The following ZNF624 variants were observed in gnomAD, a reference collection of about 807,000 sequenced individuals.
The protein encoded by ZNF624 is zinc finger protein 624.
Under a neutral mutation model 74.7 loss-of-function variants are expected in ZNF624, and 43 were observed. The observed-to-expected ratio is 0.58, with a 90% confidence interval of 0.45 to 0.74. The LOEUF (loss-of-function observed/expected upper bound fraction) is 0.74. Among genes scored for constraint, ZNF624 ranks in the 30% least tolerant of loss-of-function variants. The probability of loss-of-function intolerance (pLI) is 0.00; values close to 1 mark genes in which losing one functional copy is unlikely to be tolerated. For synonymous variants in ZNF624, 331 were observed against 341.3 expected, an observed-to-expected ratio of 0.97 and a Z score of 0.33; for missense variants, 820 against 1,030.0, an observed-to-expected ratio of 0.80 and a Z score of 2.79.
intron 2 of ZNF624, among the ~76,000 whole-genome samples, chr17:16,649,360 A>G (rs1909665678): frequency 6.6e-6 from 1 of 152,212 alleles, no homozygotes; most frequent in South Asian, 2.1e-4. Flanking sequence ...CTGTCCCACA[A>G]ATAACTAAAA....
At chr17:16,634,593 G>A (rs768340449) in intron 4 of ZNF624, 37 bp downstream of exon 4, 10 of 1,592,850 alleles carry the variant, frequency 6.3e-6, no homozygotes, top group Admixed American at 3.6e-5. Flanking sequence ...TGGTCAAATG[G>A]GCAGATCAAT....
intron 5 of ZNF624, chr17:16,624,853 C>CAAAAAAAAAAAAAAAAAAAAAAAAA (rs59170659): frequency 9.1e-5 from 4 of 43,954 alleles, no homozygotes; most frequent in Admixed American, 3.3e-4. Context: ...CCTGTCTCTA[C>CAAAAAAAAAAAAAAAAAAAAAAAAA]AAAAAAAAAA....
chr17:16,646,106 TA>T (rs1239881764), intron 3 of ZNF624, among the ~76,000 whole-genome samples: 2 of 152,084 alleles, frequency 1.3e-5, no homozygotes, highest in African/African-American at 2.4e-5. Context: ...GTATGTATAA[TA>T]AAAAGGATGC....
Position 16,623,953 on chromosome 17 carries a change from T to G in ZNF624, c.933A>C (p.Lys311Asn). Residue 311 changes from lysine (K) to asparagine (N), a missense_variant, in exon 6 of 6, where the codon AAA (lysine) becomes AAC (asparagine). By Grantham distance (94) the Lys-to-Asn change is moderately conservative. Coordinates refer to ENST00000311331, the MANE Select transcript of ZNF624 (RefSeq NM_020787.4). The surrounding 1 kb of genome is among the most constrained non-coding windows in gnomAD (Gnocchi z 5.3). ...EKPYECNECG[K>N]TFSQPSYLSQ... ...TGAGATATGAAGGCTGGCTGAATGTTTTCCCACATTCATTACATTCATAAG... is the reference window on the plus strand; with the variant it reads ...TGAGATATGAAGGCTGGCTGAATGTGTTCCCACATTCATTACATTCATAAG... 1.9e-6 allele frequency: 3 copies of G among 1,614,000 alleles called. No individual in the cohort carries two copies. The highest frequency in any genetic ancestry group is 2.5e-6 in the Non-Finnish European group (3 of 1,179,996).
chr17:16,651,423 C>G (rs972251681), intron 1 of ZNF624, among the ~76,000 whole-genome samples: 2 of 141,950 alleles, frequency 1.4e-5, no homozygotes, highest in African/African-American at 5.5e-5. Flanking sequence ...CAGCGAGACT[C>G]CATCTCAAAA....
intron 3 of ZNF624, among the ~76,000 whole-genome samples, chr17:16,638,921 C>G (rs1176731819): frequency 6.6e-6 from 1 of 152,162 alleles, no homozygotes; most frequent in Non-Finnish European, 1.5e-5. Flanking sequence ...CTCCCCACTT[C>G]TGTGAGTATA....
rs1312980576 is a variant in ZNF624 at position 16,622,138 on chromosome 17, A to T, written c.*150T>A. 5.7e-6 allele frequency: 3 copies of T among 529,134 alleles called. No individual in the cohort carries two copies. Among genetic ancestry groups the T allele is most frequent in the Non-Finnish European group, 9.2e-6 (3 of 325,546 alleles). 32.8% of individuals were successfully genotyped at this position (529,134 alleles called of 1,614,324 possible). A position where few individuals can be genotyped will look rare whatever the true frequency, so the allele number is the denominator to read the frequency against. Reference sequence around the variant, plus strand: ...GTTTCCTTATAACTTCTAAGATTTAATATTATTAAATGATTTCCCACATAA... The same window carrying T: ...GTTTCCTTATAACTTCTAAGATTTATTATTATTAAATGATTTCCCACATAA... On this transcript the variant is annotated 3_prime_UTR_variant, in exon 6 of 6. Transcript: ENST00000311331.
chr17:16,630,987 T>C (rs961052421), intron 5 of ZNF624, among the ~76,000 whole-genome samples: 4 of 18,302 alleles, frequency 2.2e-4, no homozygotes, highest in Non-Finnish European at 3.5e-4. Flanking sequence ...TTGTACTCAA[T>C]ACTCAATACC....
Position 16,623,213 on chromosome 17 carries a change from C to G in ZNF624, c.1673G>C (p.Cys558Ser). 6.2e-7 allele frequency: 1 copy of G among 1,613,862 alleles called. No homozygotes were observed. The highest frequency in any genetic ancestry group is 1.1e-5 in the South Asian group (1 of 91,060). ...RMHTGEKPYK[C>S]TECGKAFMRS... ...CATGAAGGCCTTTCCACATTCAGTA[C>G]ATTTATAAGGTTTCTCTCCTGTATG... Residue 558 changes from cysteine to serine, a missense_variant, in exon 6 of 6, where the codon TGT becomes TCT. Cys to Ser is a moderately radical substitution (Grantham distance 112). Coordinates refer to ENST00000311331, the MANE Select transcript of ZNF624 (RefSeq NM_020787.4). The surrounding 1 kb of genome is among the most constrained non-coding windows in gnomAD (Gnocchi z 5.3).
At chr17:16,627,099 T>C (rs1381869892) in intron 5 of ZNF624, among the ~76,000 whole-genome samples, 1 of 152,022 alleles carries the variant, frequency 6.6e-6, no homozygotes, top group Non-Finnish European at 1.5e-5. Flanking sequence ...ATATAAAACA[T>C]ATCTATAGCA....
intron 5 of ZNF624, among the ~76,000 whole-genome samples, chr17:16,627,223 T>A (rs62073660): frequency 0.23 from 35,425 of 152,038 alleles, 4,612 homozygotes; most frequent in East Asian, 0.35. Context: ...TTAGAGTACA[T>A]AAAGGTTGTT....
chr17:16,647,372 T>A lies in ZNF624; in HGVS notation c.110A>T (p.Asp37Val), dbSNP rs1909618073. 1 of 1,614,194 alleles carries A rather than the reference T, an allele frequency of 6.2e-7. No homozygotes were observed. Among genetic ancestry groups the A allele is most frequent in the Non-Finnish European group, 8.5e-7 (1 of 1,180,016 alleles). ...TTCTGCCTGAAGGTGAAGATCTTCA[T>A]CTGGCTGGGTAACTTCAGGGCTCTG... ...GRLSPEVTQP[D>V]EDLHLQAEET... Residue 37 changes from aspartate to valine, a missense_variant, in exon 3 of 6, where the codon GAT (aspartate) becomes GTT (valine). Physicochemically the swap from Asp to Val is radical, Grantham distance 152. Coordinates refer to ENST00000311331, the MANE Select transcript of ZNF624 (RefSeq NM_020787.4).
In ZNF624 at chr17:16,624,334, A is replaced by G; in HGVS notation, c.552T>C (p.Asn184=). The G allele has an allele frequency of 6.2e-7, 1 of 1,613,374 alleles. No individual in the cohort carries two copies. The highest frequency in any genetic ancestry group is 8.5e-7 in the Non-Finnish European group (1 of 1,179,834). ...RILRLQNNQE[N]HLSQRIIPLK... ...GTGGAATTATTCTTTGACTCAAATGATTCTCCTGATTATTTTGTAATCTCA... is the reference window on the plus strand; with the variant it reads ...GTGGAATTATTCTTTGACTCAAATGGTTCTCCTGATTATTTTGTAATCTCA... Residue 184 remains asparagine, a synonymous_variant, in exon 6 of 6, where the codon AAT becomes AAC. Coordinates refer to ENST00000311331, the MANE Select transcript of ZNF624 (RefSeq NM_020787.4).
chr17:16,628,196 G>A (rs1415656388), intron 5 of ZNF624, among the ~76,000 whole-genome samples: 1 of 152,126 alleles, frequency 6.6e-6, no homozygotes, highest in Non-Finnish European at 1.5e-5. Context: ...TTGGGAGGTG[G>A]AGGTTGCAGT....
intron 1 of ZNF624, among the ~76,000 whole-genome samples, chr17:16,650,700 G>A (rs951560933): frequency 6.6e-6 from 1 of 152,084 alleles, no homozygotes. Flanking sequence ...TTCTAGGATG[G>A]TAATACTAGC....
At chr17:16,617,991 A>G, downstream of ZNF624, 1 of 649,896 alleles carries the variant, frequency 1.5e-6, no homozygotes, top group Non-Finnish European at 2.7e-6. Flanking sequence ...GCCTCACACC[A>G]TAGTGGCGGC....
intron 3 of ZNF624, among the ~76,000 whole-genome samples, chr17:16,638,076 A>G (rs1909376905): frequency 6.6e-6 from 1 of 152,200 alleles, no homozygotes; most frequent in Non-Finnish European, 1.5e-5. Context: ...CACTTCTCAA[A>G]AGAAGACATT....
chr17:16,643,609 A>ATATATTTAATATATTCTCTGTGAATAT (rs1909517679), intron 3 of ZNF624, among the ~76,000 whole-genome samples: 1 of 152,178 alleles, frequency 6.6e-6, no homozygotes, highest in Admixed American at 6.5e-5. Context: ...GATGGTTACA[A>ATATATTTAATATATTCTCTGTGAATAT]ACTCTGTGAA....
downstream of ZNF624, chr17:16,617,080 T>A (rs1447514495): frequency 1.2e-5 from 19 of 1,612,246 alleles, no homozygotes; most frequent in Non-Finnish European, 1.5e-5. Flanking sequence ...TTTCTCATAC[T>A]CATCCTTAGA....
Sources: allele counts gnomAD v4.1 joint callset (sites outside exome capture counted in the v4.1 genomes callset), GRCh38; gene constraint gnomAD v4.1.1; non-coding constraint Gnocchi (gnomAD v3.1); transcripts MANE v1.5; gene names NCBI Gene and HGNC (gene_info 2026-07-23, HGNC 2026-07-21).